Variants in SCN11A observed in about 807,000 individuals in gnomAD.
SCN11A encodes the protein sodium channel protein type 11 subunit alpha.
In SCN11A, 122 loss-of-function variants were observed where a neutral mutation model predicts 162.2. That is an observed-to-expected ratio of 0.75 (90% CI 0.65 to 0.87). The LOEUF is 0.87. SCN11A is among the 40% of genes least tolerant of loss of function. The pLI, the probability that SCN11A is intolerant of heterozygous loss-of-function variation, is 0.00. For missense variants in SCN11A, 2,015 were observed against 2,181.6 expected, an observed-to-expected ratio of 0.92 and a Z score of 1.52; for synonymous variants, 758 against 751.5, an observed-to-expected ratio of 1.01 and a Z score of -0.14.
intron 2 of SCN11A, among the ~76,000 whole-genome samples, chr3:39,004,700 T>C (rs1429402438): frequency 2.0e-5 from 3 of 152,214 alleles, no homozygotes; most frequent in African/African-American, 7.2e-5. Flanking sequence ...CTCTGATTTC[T>C]TTGTGCAGTG....
intron 2 of SCN11A, among the ~76,000 whole-genome samples, chr3:39,024,271 T>C (rs541589881): frequency 9.5e-4 from 145 of 152,324 alleles, no homozygotes; most frequent in African/African-American, 3.4e-3. Flanking sequence ...TATGACCTAA[T>C]AGTAGCAGAT....
At chr3:38,967,490 AG>A (rs2066790386) in intron 2 of SCN11A, among the ~76,000 whole-genome samples, 1 of 152,228 alleles carries the variant, frequency 6.6e-6, no homozygotes, top group Admixed American at 6.5e-5. Flanking sequence ...TCTTGGAAGC[AG>A]ACCCTCTATT....
At chr3:38,885,105 T>G (rs1318258585) in intron 21 of SCN11A, among the ~76,000 whole-genome samples, 183 bp downstream of exon 21, 3 of 152,160 alleles carry the variant, frequency 2.0e-5, no homozygotes, top group Non-Finnish European at 4.4e-5. Flanking sequence ...AAAGCAAGAA[T>G]TTCCTGAAAT....
In SCN11A at chr3:38,846,648, T is replaced by C; in HGVS notation, c.*46A>G. On this transcript the variant is annotated 3_prime_UTR_variant, in exon 30 of 30. Transcript: ENST00000302328. ...CTGCTGACCCCTGGAGCTCAGAGGC[T>C]GAAGGCAAGGCTGTGAAGCTATGAG... is the stretch of plus-strand genomic sequence containing the variant. 6.5e-7 allele frequency: 1 copy of C among 1,527,948 alleles called. No individual in the cohort carries two copies. Among genetic ancestry groups the C allele is most frequent in the Non-Finnish European group, 9.0e-7 (1 of 1,107,896 alleles). The allele number at this position is 1,527,948 out of a possible 1,614,324, so 94.6% of individuals were successfully genotyped here.
rs900150013 is a variant in SCN11A, at chr3:38,866,642, A to T, written c.3951+679T>A. Among the ~76,000 whole-genome samples the T allele has an allele frequency of 4.9e-4, 75 of 152,248 alleles. 1 individual carries two copies. Among genetic ancestry groups the T allele is most frequent in the South Asian group, 4.1e-4 (2 of 4,838 alleles). On this transcript the variant is annotated intron_variant, in intron 27 of 29. Transcript: ENST00000302328. ...AACTGTGTAAAAGTAATACGAAGTG[A>T]CTGGAATGGATTATATCAAAATCAT...
At position 38,863,166 on chromosome 3, in the gene SCN11A, C is replaced by A. The variant is rs73066579; in HGVS notation, c.4056+29G>T. 0.043 allele frequency: 52,786 copies of A among 1,228,276 alleles called. 1,393 individuals are homozygous for A. Among genetic ancestry groups the A allele is most frequent in the Non-Finnish European group, 0.051 (42,485 of 830,434 alleles). The allele number at this position is 1,228,276 out of a possible 1,614,324, so 76.1% of individuals were successfully genotyped here. ...TCCTCACAGTAACTCAACTGTTCTA[C>A]ATATTTACAGTCATTCAATTGCTCT... On this transcript the variant is annotated intron_variant, in intron 28 of 29. Transcript: ENST00000302328.
intron 2 of SCN11A, among the ~76,000 whole-genome samples, chr3:39,004,533 AAT>A (rs1376293238): frequency 2.6e-5 from 4 of 152,130 alleles, no homozygotes; most frequent in Non-Finnish European, 5.9e-5. Flanking sequence ...TGAATTTTAA[AAT>A]AGTTTTTTTC....
chr3:38,990,277 C>T (rs1459863905), intron 2 of SCN11A, among the ~76,000 whole-genome samples: 1 of 152,156 alleles, frequency 6.6e-6, no homozygotes, highest in Non-Finnish European at 1.5e-5. Flanking sequence ...CCCCGGGCTC[C>T]CTGCTGCATC....
chr3:38,853,628 C>A (rs2064819554), intron 28 of SCN11A, among the ~76,000 whole-genome samples: 1 of 152,156 alleles, frequency 6.6e-6, no homozygotes, highest in Non-Finnish European at 1.5e-5. Context: ...ACTGAGAACA[C>A]ATTTTATGCC....
intron 2 of SCN11A, among the ~76,000 whole-genome samples, chr3:39,002,457 C>T (rs999121434): frequency 6.6e-6 from 1 of 152,192 alleles, no homozygotes; most frequent in Non-Finnish European, 1.5e-5. Flanking sequence ...AAAACATACA[C>T]AGTCCAGGAA....
At position 38,871,718 on chromosome 3, in the gene SCN11A, A is replaced by G. The variant is rs2065129656; in HGVS notation, c.3496-10T>C. 6.4e-7 allele frequency: 1 copy of G among 1,574,030 alleles called. No homozygotes were observed. Among genetic ancestry groups the G allele is most frequent in the South Asian group, 1.2e-5 (1 of 82,704 alleles). On this transcript the variant is annotated splice_polypyrimidine_tract_variant and intron_variant, in intron 24 of 29. Coordinates refer to ENST00000302328, the MANE Select transcript of SCN11A (RefSeq NM_001349253.2). ...GAGCATTGACCACCACCTTATGGAAACAAAAGCAAAGAAAACCATAACAGA... is the reference window on the plus strand; with the variant it reads ...GAGCATTGACCACCACCTTATGGAAGCAAAAGCAAAGAAAACCATAACAGA...
chr3:39,014,131 C>T lies in SCN11A; in HGVS notation c.-280+18249G>A, dbSNP rs140397881. Among the ~76,000 whole-genome samples the T allele has an allele frequency of 1.1e-4, 17 of 152,294 alleles. No individual in the cohort carries two copies. In the East Asian group the frequency reaches 2.9e-3, roughly 26 times the overall value. ...TTCTTTTTGGGTTTTAGTCCTTACTCGTCCTGAATTTTTGTGGTCACTCTT... is the reference window on the plus strand; with the variant it reads ...TTCTTTTTGGGTTTTAGTCCTTACTTGTCCTGAATTTTTGTGGTCACTCTT... On this transcript the variant is annotated intron_variant, in intron 2 of 29. Coordinates refer to ENST00000302328, the MANE Select transcript of SCN11A (RefSeq NM_001349253.2).
intron 7 of SCN11A, among the ~76,000 whole-genome samples, chr3:38,940,385 G>C (rs2066423143): frequency 6.6e-6 from 1 of 151,922 alleles, no homozygotes; most frequent in African/African-American, 2.4e-5. Flanking sequence ...AAATCAACAA[G>C]AGCCATAAAA....
At chr3:38,864,671 T>C (rs1420305307) in intron 27 of SCN11A, among the ~76,000 whole-genome samples, 4 of 152,192 alleles carry the variant, frequency 2.6e-5, no homozygotes, top group Non-Finnish European at 4.4e-5. Context: ...ATGAGCATTC[T>C]AGACTGTGGT....
In SCN11A at chr3:38,872,221, C is replaced by A. The variant is rs367743263; in HGVS notation, c.3467G>T (p.Arg1156Leu). 6.2e-7 allele frequency: 1 copy of A among 1,608,394 alleles called. No homozygotes were observed. The highest frequency in any genetic ancestry group is 1.1e-5 in the South Asian group (1 of 90,948). ...CATTCCTTCAAACTGGGACAGCGCA[C>A]GAAGAGGCCTCAGTGCTCGTAGAGT... ...FRTLRALRPL[R>L]ALSQFEGMKV... Residue 1156 changes from arginine (R) to leucine (L), a missense_variant, in exon 24 of 30, where the codon CGT becomes CTT. Physicochemically the swap from Arg to Leu is moderately radical, Grantham distance 102 (BLOSUM62 -2). Transcript: ENST00000302328.
chr3:38,855,477 T>A (rs2126083578), intron 28 of SCN11A, among the ~76,000 whole-genome samples: 1 of 151,890 alleles, frequency 6.6e-6, no homozygotes, highest in South Asian at 2.1e-4. Flanking sequence ...CCCTTGGGAG[T>A]TTTATGGCTC....
rs35479964 is a variant in SCN11A at position 38,871,435 on chromosome 3, C to T, written c.3759+10G>A. On this transcript the variant is annotated intron_variant, in intron 25 of 29. Transcript: ENST00000302328. ...CTCCTCAGAGTGAAAAACATACTGA[C>T]TGTACTTACCACTTGCAGCAGAGCG... 0.12 allele frequency: 191,151 copies of T among 1,584,366 alleles called. 12,606 individuals carry two copies. The highest frequency in any genetic ancestry group is 0.13 in the Non-Finnish European group (153,980 of 1,167,660).
chr3:38,962,935 C>G (rs1249304323), intron 2 of SCN11A, among the ~76,000 whole-genome samples: 3 of 151,734 alleles, frequency 2.0e-5, no homozygotes, highest in Admixed American at 6.6e-5. Context: ...AAATGGCCAA[C>G]AAACGTGAAA....
chr3:38,855,482 T>C (rs1012427390), intron 28 of SCN11A, among the ~76,000 whole-genome samples: 1 of 152,144 alleles, frequency 6.6e-6, no homozygotes, highest in Non-Finnish European at 1.5e-5. Flanking sequence ...GGGAGTTTTA[T>C]GGCTCTGCCT....
Sources: allele counts gnomAD v4.1 joint callset (sites outside exome capture counted in the v4.1 genomes callset), GRCh38; gene constraint gnomAD v4.1.1; transcripts MANE v1.5; gene names NCBI Gene and HGNC (gene_info 2026-07-23, HGNC 2026-07-21).